Variants in TAPT1 observed in about 807,000 individuals in gnomAD.
TAPT1 encodes the protein transmembrane anterior posterior transformation 1.
TAPT1 carries 28 observed loss-of-function variants against 65.6 expected under a neutral mutation model. That is an observed-to-expected ratio of 0.43 (90% confidence interval 0.32 to 0.59). TAPT1 has a LOEUF of 0.59. Ranked by LOEUF, TAPT1 falls within the 20% of genes least tolerant of loss-of-function variation. The pLI, the probability that TAPT1 is intolerant of heterozygous loss-of-function variation, is 0.09. For synonymous variants in TAPT1, 278 were observed against 245.2 expected, an observed-to-expected ratio of 1.13 and a Z score of -1.25; for missense variants, 563 against 679.9, an observed-to-expected ratio of 0.83 and a Z score of 1.91.
chr4:16,201,791 A>G (rs1444563939), intron 3 of TAPT1, among the ~76,000 whole-genome samples: 2 of 152,126 alleles, frequency 1.3e-5, no homozygotes, highest in Non-Finnish European at 2.9e-5. Context: ...CTTTGTGGTA[A>G]AAGATGCTGA....
At chr4:16,188,557 G>A (rs544635244) in intron 4 of TAPT1, among the ~76,000 whole-genome samples, 3 of 152,128 alleles carry the variant, frequency 2.0e-5, no homozygotes, top group Non-Finnish European at 4.4e-5. Flanking sequence ...AATATGTATA[G>A]AATTTCAGTT....
chr4:16,216,240 C>T (rs1750936920), intron 1 of TAPT1: 1 of 152,208 alleles, frequency 6.6e-6, no homozygotes, highest in African/African-American at 2.4e-5. Flanking sequence ...CCTCCTGTAC[C>T]CGATCCTTAA....
intron 1 of TAPT1, among the ~76,000 whole-genome samples, chr4:16,217,117 C>G (rs1750985304): frequency 6.6e-6 from 1 of 152,218 alleles, no homozygotes; most frequent in African/African-American, 2.4e-5. Flanking sequence ...AGACGGTACC[C>G]TCTCTGTGAA....
At chr4:16,214,839 C>T (rs1160640197) in intron 1 of TAPT1, among the ~76,000 whole-genome samples, 2 of 152,284 alleles carry the variant, frequency 1.3e-5, no homozygotes, top group East Asian at 3.9e-4. Context: ...TCTGAGCTGG[C>T]CTTGTGGTCC....
intron 12 of TAPT1, among the ~76,000 whole-genome samples, chr4:16,170,253 T>C (rs1193972617): frequency 6.6e-6 from 1 of 152,266 alleles, no homozygotes; most frequent in Non-Finnish European, 1.5e-5. Flanking sequence ...GCTTGTGCAT[T>C]ACATTTGGGT....
In TAPT1 at chr4:16,166,869, C is replaced by CT. The variant is rs1441101886; in HGVS notation, c.1314-77dup. ...CTGTGAATGCCATCTACTACCATGGCTAAGGAGAAGGTGGGGGGGCATGGG... is the reference window on the plus strand; with the variant it reads ...CTGTGAATGCCATCTACTACCATGGCTTAAGGAGAAGGTGGGGGGGCATGGG... On this transcript the variant is annotated intron_variant, in intron 12 of 13. Coordinates refer to ENST00000405303, the MANE Select transcript of TAPT1 (RefSeq NM_153365.3). 1.0e-5 allele frequency: 15 copies of CT among 1,460,776 alleles called. No individual in the cohort carries two copies. In the East Asian group the frequency reaches 3.4e-4, roughly 34 times the overall value. The allele number at this position is 1,460,776 out of a possible 1,614,324, so 90.5% of individuals were successfully genotyped here.
chr4:16,186,718 C>T, intron 6 of TAPT1, 63 bp downstream of exon 6: 2 of 1,416,284 alleles, frequency 1.4e-6, no homozygotes, highest in East Asian at 2.3e-5. Context: ...TTTATCCCAC[C>T]CAGAGTATTG....
At chr4:16,218,750 T>C (rs139103943) in intron 1 of TAPT1, among the ~76,000 whole-genome samples, 1 of 152,362 alleles carries the variant, frequency 6.6e-6, no homozygotes, top group East Asian at 1.9e-4. Flanking sequence ...CTTCAACTAC[T>C]TCATATTAAC....
chr4:16,163,151 G>T lies in TAPT1; in HGVS notation c.*157C>A. The T allele has an allele frequency of 1.5e-6, 1 of 669,222 alleles. No homozygotes were observed. 41.5% of individuals were successfully genotyped at this position (669,222 alleles called of 1,614,324 possible). A position where few individuals can be genotyped will look rare whatever the true frequency, so the allele number is the denominator to read the frequency against. On this transcript the variant is annotated 3_prime_UTR_variant, in exon 14 of 14. Transcript: ENST00000405303. ...GTCCTGTGGTCTGACCCTCAGCCAG[G>T]CCATATTACTGGAAGAAAGATACTA... is the stretch of plus-strand genomic sequence containing the variant.
In TAPT1 at chr4:16,170,725, A is replaced by C; in HGVS notation, c.1241T>G (p.Ile414Ser). 1.2e-6 allele frequency: 2 copies of C among 1,613,392 alleles called. No homozygotes were observed. The highest frequency in any genetic ancestry group is 1.7e-6 in the Non-Finnish European group (2 of 1,179,422). ...FIPLPLAVLL[I>S]RVVTSSIKVQ... Reference sequence around the variant, plus strand: ...TTTAATTGAGCTTGTTACAACTCTGATGAGCTAGCCAGAAACAAACCAAAA... The same window carrying C: ...TTTAATTGAGCTTGTTACAACTCTGCTGAGCTAGCCAGAAACAAACCAAAA... The change falls in exon 12 of 14, where the codon ATC becomes AGC. Residue 414 changes from isoleucine (I) to serine (S), a missense_variant. Physicochemically the swap from Ile to Ser is moderately radical, Grantham distance 142 (BLOSUM62 -2). Around this residue, in one of 5 missense-constraint regions of TAPT1, gnomAD observed 104 missense variants for 102.5 expected, o/e 1.01. Coordinates refer to ENST00000405303, the MANE Select transcript of TAPT1 (RefSeq NM_153365.3).
chr4:16,187,817 A>C (rs1749111080), intron 5 of TAPT1, among the ~76,000 whole-genome samples: 1 of 152,194 alleles, frequency 6.6e-6, no homozygotes, highest in African/African-American at 2.4e-5. Context: ...TTCACATTAC[A>C]CTTTTAGATA....
At chr4:16,195,931 G>C (rs1316303799) in intron 3 of TAPT1, among the ~76,000 whole-genome samples, 1 of 152,190 alleles carries the variant, frequency 6.6e-6, no homozygotes, top group African/African-American at 2.4e-5. Flanking sequence ...TTTCAAATCA[G>C]TGTTGAAACA....
At chr4:16,209,468 C>T (rs562933077) in intron 2 of TAPT1, among the ~76,000 whole-genome samples, 1 of 152,272 alleles carries the variant, frequency 6.6e-6, no homozygotes, top group South Asian at 2.1e-4. Flanking sequence ...TGATCTTTAT[C>T]TTTCTAAATT....
chr4:16,176,525 G>A, intron 8 of TAPT1: 2 of 180,856 alleles, frequency 1.1e-5, no homozygotes, highest in Non-Finnish European at 2.3e-5. Flanking sequence ...GTGAAACCCT[G>A]TCTCTACTAA....
intron 1 of TAPT1, among the ~76,000 whole-genome samples, chr4:16,218,854 CAAAT>C (rs1252862364): frequency 2.0e-5 from 3 of 152,208 alleles, no homozygotes; most frequent in South Asian, 2.1e-4. Flanking sequence ...GGTAATATGA[CAAAT>C]AAGTATATTT....
intron 3 of TAPT1, among the ~76,000 whole-genome samples, chr4:16,192,296 C>T (rs1228694571): frequency 6.6e-6 from 1 of 152,210 alleles, no homozygotes; most frequent in African/African-American, 2.4e-5. Context: ...CTTTGCCAGT[C>T]TCACTGATGG....
chr4:16,195,811 T>C (rs1749676782), intron 3 of TAPT1, among the ~76,000 whole-genome samples: 3 of 152,184 alleles, frequency 2.0e-5, no homozygotes, highest in Admixed American at 6.5e-5. Flanking sequence ...TAGGGGAAGA[T>C]AATATGCTAA....
At chr4:16,185,824 G>T (rs1468140157) in intron 7 of TAPT1, among the ~76,000 whole-genome samples, 2 of 152,132 alleles carry the variant, frequency 1.3e-5, no homozygotes, top group African/African-American at 2.4e-5. Context: ...ATCAAGCCAG[G>T]TTCCTTTAGG....
At chr4:16,201,432 T>C (rs1750023833) in intron 3 of TAPT1, among the ~76,000 whole-genome samples, 1 of 152,180 alleles carries the variant, frequency 6.6e-6, no homozygotes, top group African/African-American at 2.4e-5. Flanking sequence ...CAAATTATTG[T>C]CCATTTTAGC....
Sources: allele counts gnomAD v4.1 joint callset (sites outside exome capture counted in the v4.1 genomes callset), GRCh38; gene constraint gnomAD v4.1.1; regional missense constraint gnomAD v4.1.1; transcripts MANE v1.5; gene names NCBI Gene and HGNC (gene_info 2026-07-23, HGNC 2026-07-21).